Variants in INTS7 observed in about 807,000 individuals in gnomAD.
INTS7 encodes chromosome 1 open reading frame 73.
INTS7 carries 46 observed loss-of-function variants against 109.2 expected under a neutral mutation model. The ratio of observed to expected loss-of-function variants is 0.42; its 90% CI spans 0.33 to 0.54. INTS7 has a LOEUF of 0.54. Ranked by LOEUF, INTS7 falls within the 20% of genes least tolerant of loss-of-function variation. The pLI is 0.07. For missense variants in INTS7, 929 were observed against 1,132.4 expected, an observed-to-expected ratio of 0.82 and a Z score of 2.58; for synonymous variants, 412 against 402.9, an observed-to-expected ratio of 1.02 and a Z score of -0.27.
Position 211,976,676 on chromosome 1 carries a change from A to G in INTS7, c.1514T>C (p.Leu505Ser), listed in dbSNP as rs989214362. The change falls in exon 12 of 20, where the codon TTG (leucine) becomes TCG (serine). Residue 505 changes from leucine (L) to serine (S), a missense_variant. Leu to Ser is a moderately radical substitution (Grantham distance 145). Transcript: ENST00000366994. Reference sequence around the variant, plus strand: ...AATTACTGCCTTACTTTCCACAGACAATGCCTTCTGACTTGCAACAAAAAT... The same window carrying G: ...AATTACTGCCTTACTTTCCACAGACGATGCCTTCTGACTTGCAACAAAAAT... ...TVIFVASQKA[L>S]SVESKAVIKQ... 2.5e-6 allele frequency: 4 copies of G among 1,613,888 alleles called. No homozygotes were observed. The highest frequency in any genetic ancestry group is 1.3e-5 in the African/African-American group (1 of 74,908).
At chr1:211,969,508 C>A (rs1160526913) in intron 13 of INTS7, among the ~76,000 whole-genome samples, 1 of 150,170 alleles carries the variant, frequency 6.7e-6, no homozygotes, top group African/African-American at 2.4e-5. Flanking sequence ...CTCAAAGTTA[C>A]CCTCTTCCAC....
chr1:211,967,974 T>C lies in INTS7; in HGVS notation c.2018A>G (p.Gln673Arg), dbSNP rs770597363. The change falls in exon 15 of 20, where the codon CAG becomes CGG. Residue 673 changes from glutamine to arginine, a missense_variant. Physicochemically the swap from Gln to Arg is conservative, Grantham distance 43 (BLOSUM62 1). Transcript: ENST00000366994. ...AAGGCTTCGAAATTCTTCCATGGACTGTTTCATCTATAAAAAAAAATCAAT... is the reference window on the plus strand; with the variant it reads ...AAGGCTTCGAAATTCTTCCATGGACCGTTTCATCTATAAAAAAAAATCAAT... ...RCGRISNQMKQSMEEFRSLAS... is the reference protein window; with the variant it reads ...RCGRISNQMKRSMEEFRSLAS... 6.5e-7 allele frequency: 1 copy of C among 1,549,936 alleles called. No homozygotes were observed. The highest frequency in any genetic ancestry group is 1.2e-5 in the South Asian group (1 of 85,432).
At chr1:211,955,854 C>T (rs1663338675) in intron 16 of INTS7, among the ~76,000 whole-genome samples, 2 of 152,328 alleles carry the variant, frequency 1.3e-5, no homozygotes, top group East Asian at 1.9e-4. Context: ...ATTTGCTGGG[C>T]TCCAAAGTTC....
At chr1:211,968,168 T>G (rs1323777716) in intron 14 of INTS7, among the ~76,000 whole-genome samples, 187 bp from the exon 15 acceptor site, 1 of 152,194 alleles carries the variant, frequency 6.6e-6, no homozygotes, top group Non-Finnish European at 1.5e-5. Flanking sequence ...CAAATGAAAC[T>G]ATACATGTTC....
At chr1:212,024,375 C>T (rs886092333) in intron 1 of INTS7, among the ~76,000 whole-genome samples, 3 of 152,046 alleles carry the variant, frequency 2.0e-5, no homozygotes, top group African/African-American at 7.2e-5. Flanking sequence ...CCTAAGATTC[C>T]TTTTGGTAGT....
intron 5 of INTS7, among the ~76,000 whole-genome samples, chr1:212,008,420 C>A (rs1465066984): frequency 6.6e-6 from 1 of 152,056 alleles, no homozygotes; most frequent in Admixed American, 6.5e-5. Flanking sequence ...CTGGCTGTTC[C>A]TTCTTAATCT....
chr1:212,034,264 T>G (rs1385595706), intron 1 of INTS7, among the ~76,000 whole-genome samples: 2 of 152,104 alleles, frequency 1.3e-5, no homozygotes, highest in Non-Finnish European at 2.9e-5. Context: ...ATTTTTGTGT[T>G]TATCAAAATA....
intron 18 of INTS7, among the ~76,000 whole-genome samples, chr1:211,945,598 C>T (rs568678625): frequency 3.3e-5 from 5 of 152,346 alleles, no homozygotes; most frequent in African/African-American, 1.2e-4. Context: ...ACCCTGGAGA[C>T]ATCCTACTTT....
At chr1:211,976,045 C>T (rs1053928787) in intron 12 of INTS7, among the ~76,000 whole-genome samples, 1 of 151,990 alleles carries the variant, frequency 6.6e-6, no homozygotes, top group African/African-American at 2.4e-5. Flanking sequence ...AGAGATTTGT[C>T]CGCCTTGGCC....
rs537468031 is a variant in INTS7 at position 212,029,994 on chromosome 1, C to T, written c.94+5350G>A. Among the ~76,000 whole-genome samples, 5 of 152,252 alleles carry T rather than the reference C, an allele frequency of 3.3e-5. No homozygotes were observed. The South Asian group carries it at 8.3e-4, about 25-fold the overall frequency. On this transcript the variant is annotated intron_variant, in intron 1 of 19. Transcript: ENST00000366994. ...CCAAATTTCAGAAAATGTCTGTAAA[C>T]GTACATGGCAAGATGTATGCAACAT...
chr1:212,004,205 G>C (rs1396495914), intron 7 of INTS7, among the ~76,000 whole-genome samples: 1 of 152,144 alleles, frequency 6.6e-6, no homozygotes, highest in African/African-American at 2.4e-5. Context: ...AGCTGGGTGT[G>C]GTGGCACATG....
chr1:211,952,311 A>T (rs564994047), intron 17 of INTS7: 8 of 297,684 alleles, frequency 2.7e-5, no homozygotes, highest in Non-Finnish European at 4.8e-5. Flanking sequence ...AAAAAGAAAA[A>T]ATTTTATTTG....
At chr1:211,958,075 AAAAAAAC>A (rs972098539) in intron 16 of INTS7, among the ~76,000 whole-genome samples, 1 of 151,498 alleles carries the variant, frequency 6.6e-6, no homozygotes, top group African/African-American at 2.4e-5. Context: ...AAAATTAAAA[AAAAAAAC>A]AAAAACATTT....
rs915182415 is a variant in INTS7, at chr1:211,990,791, G to T, written c.880-2788C>A. On this transcript the variant is annotated intron_variant, in intron 7 of 19. Transcript: ENST00000366994. ...AAAAGGATAGAGGCTAAGTAAGATG[G>T]GGGGGATTAGGCCAGATGATATAGG... is the stretch of plus-strand genomic sequence containing the variant. Among the ~76,000 whole-genome samples, 3 of 152,280 alleles carry T rather than the reference G, an allele frequency of 2.0e-5. No homozygotes were observed. In the South Asian group the frequency reaches 6.2e-4, roughly 32 times the overall value.
At chr1:211,983,852 TTTG>T (rs1337056360) in intron 8 of INTS7, among the ~76,000 whole-genome samples, 1 of 119,420 alleles carries the variant, frequency 8.4e-6, no homozygotes, top group East Asian at 2.3e-4. Context: ...TTTGTTTTGT[TTTG>T]TTTTTTTTTT....
intron 16 of INTS7, among the ~76,000 whole-genome samples, chr1:211,956,803 A>G (rs1488654481): frequency 6.6e-6 from 1 of 152,188 alleles, no homozygotes; most frequent in Non-Finnish European, 1.5e-5. Context: ...ATTTGTGGAT[A>G]TACTACAATT....
Position 211,944,905 on chromosome 1 carries a change from A to G in INTS7, c.2480T>C (p.Leu827Pro). ...EPIAVQNNQQ[L>P]ALKVEGVVQH... is the part of the protein sequence containing the mutation. ...AACCACTCCCTCTACCTTTAGCGCC[A>G]GCTGCTGGTTATTCTGGACAGCAAT... Residue 827 changes from leucine to proline, a missense_variant, in exon 19 of 20, where the codon CTG becomes CCG. Transcript: ENST00000366994. The G allele has an allele frequency of 6.2e-7, 1 of 1,614,226 alleles. No homozygotes were observed. Among genetic ancestry groups the G allele is most frequent in the Non-Finnish European group, 8.5e-7 (1 of 1,180,016 alleles).
chr1:212,027,922 G>C (rs1019482348), intron 1 of INTS7, among the ~76,000 whole-genome samples: 10 of 152,082 alleles, frequency 6.6e-5, no homozygotes, highest in African/African-American at 2.4e-4. Flanking sequence ...CGCCCCCCGG[G>C]TTCAAGTGAT....
intron 7 of INTS7, among the ~76,000 whole-genome samples, 194 bp downstream of exon 7, chr1:212,006,445 T>C (rs1002003928): frequency 2.6e-5 from 4 of 152,126 alleles, no homozygotes; most frequent in South Asian, 2.1e-4. Flanking sequence ...AAAACAAACA[T>C]TGAAGTATAG....
Sources: gnomAD v4.1 joint callset for allele counts (sites outside exome capture counted in the v4.1 genomes callset) on GRCh38, gnomAD v4.1.1 for gene constraint, MANE v1.5 for transcripts, NCBI Gene and HGNC (gene_info 2026-07-23, HGNC 2026-07-21) for gene names.